ENTPD6: variants seen among roughly 807,000 people sequenced by gnomAD.
The protein encoded by ENTPD6 is CD39 antigen-like 2.
ENTPD6 carries 46 observed loss-of-function variants against 61.5 expected under a neutral mutation model. That is an observed-to-expected ratio of 0.75 (90% CI 0.59 to 0.96). The LOEUF is 0.96. Among genes scored for constraint, ENTPD6 ranks in the 40% least tolerant of loss-of-function variants. The probability of loss-of-function intolerance (pLI) is 0.00; values close to 1 mark genes in which losing one functional copy is unlikely to be tolerated. For missense variants in ENTPD6, 612 were observed against 629.0 expected (o/e 0.97, Z 0.29); for synonymous variants, 252 against 255.5 (o/e 0.99, Z 0.13).
intron 3 of ENTPD6, 106 bp from the exon 4 acceptor site, chr20:25,209,743 T>G: frequency 1.1e-6 from 1 of 894,790 alleles, no homozygotes; most frequent in Non-Finnish European, 1.8e-6. Flanking sequence ...ACTTGGGGAT[T>G]GGTCTGTGTT....
At chr20:25,220,799 T>C (rs2092604129) in intron 10 of ENTPD6, among the ~76,000 whole-genome samples, 1 of 152,216 alleles carries the variant, frequency 6.6e-6, no homozygotes, top group South Asian at 2.1e-4. Context: ...CTTTGCTGGT[T>C]TTGAGCCCCC....
intron 13 of ENTPD6, 159 bp downstream of exon 13, chr20:25,224,316 C>T: frequency 1.8e-6 from 1 of 550,652 alleles, no homozygotes; most frequent in Middle Eastern, 4.9e-4. Context: ...GTCCTTGTCC[C>T]ACCCTCATGG....
chr20:25,210,473 C>G (rs1005702476), intron 4 of ENTPD6, among the ~76,000 whole-genome samples: 2 of 151,330 alleles, frequency 1.3e-5, no homozygotes, highest in Non-Finnish European at 2.9e-5. Context: ...GAGTGAGAAC[C>G]CTATTTCTAC....
At chr20:25,211,118 A>G (rs1487529497) in intron 4 of ENTPD6, among the ~76,000 whole-genome samples, 1 of 152,198 alleles carries the variant, frequency 6.6e-6, no homozygotes, top group East Asian at 1.9e-4. Flanking sequence ...CACTCACAAA[A>G]TGGGCTATGG....
intron 10 of ENTPD6, among the ~76,000 whole-genome samples, chr20:25,221,016 G>T (rs2092611695): frequency 1.3e-5 from 2 of 152,362 alleles, no homozygotes; most frequent in South Asian, 4.1e-4. Flanking sequence ...CGTGCCCAGG[G>T]CCGTGAGCTG....
At chr20:25,213,434 T>C in intron 5 of ENTPD6, 28 bp downstream of exon 5, 1 of 1,578,366 alleles carries the variant, frequency 6.3e-7, no homozygotes, top group East Asian at 2.2e-5. Flanking sequence ...CCAGTGCCAT[T>C]AGCCAGCCCT....
At position 25,195,789 on chromosome 20, in the gene ENTPD6, A is replaced by T; in HGVS notation, c.-94A>T. On this transcript the variant is annotated 5_prime_UTR_variant, in exon 1 of 15. Transcript: ENST00000376652. ...GGGGTGGCGCCGGCCGGGGCGGGGG[A>T]GCCCAAAAGACCGGCTGCCGCCTGC... The T allele has an allele frequency of 8.4e-7, 1 of 1,189,038 alleles. No homozygotes were observed. The highest frequency in any genetic ancestry group is 1.1e-6 in the Non-Finnish European group (1 of 941,994). The allele number at this position is 1,189,038 out of a possible 1,614,324, so 73.7% of individuals were successfully genotyped here.
chr20:25,207,058 C>G lies in ENTPD6; in HGVS notation c.55-18C>G. 1 of 1,585,298 alleles carries G rather than the reference C, an allele frequency of 6.3e-7. No homozygotes were observed. Among genetic ancestry groups the G allele is most frequent in the African/African-American group, 1.3e-5 (1 of 74,586 alleles). The stretch of plus-strand genomic sequence containing the variant: ...GCACCCTAACGTGCTTTTCCTGCCT[C>G]TCCCCCCTTCCCACCAGCAGCCGCA... On this transcript the variant is annotated intron_variant, in intron 2 of 14. Transcript: ENST00000376652.
intron 13 of ENTPD6, 58 bp downstream of exon 13, chr20:25,224,215 C>T (rs375997328): frequency 2.6e-5 from 39 of 1,516,080 alleles, no homozygotes; most frequent in African/African-American, 1.1e-4. Flanking sequence ...ATGCTCGTGA[C>T]GCAGGCGCTG....
At chr20:25,211,814 AT>A (rs1227176617) in intron 4 of ENTPD6, among the ~76,000 whole-genome samples, 1 of 151,746 alleles carries the variant, frequency 6.6e-6, no homozygotes, top group Non-Finnish European at 1.5e-5. Context: ...TGAAGTCTCT[AT>A]TTTTTTTCCC....
chr20:25,223,410 G>T (rs763537394), intron 12 of ENTPD6, among the ~76,000 whole-genome samples: 5 of 152,208 alleles, frequency 3.3e-5, no homozygotes, highest in African/African-American at 1.2e-4. Flanking sequence ...AGATTAGGGC[G>T]GAAAAAGGTA....
At chr20:25,209,800 T>G in intron 3 of ENTPD6, 49 bp from the exon 4 acceptor site, 2 of 1,483,730 alleles carry the variant, frequency 1.3e-6, no homozygotes, top group Non-Finnish European at 1.9e-6. Flanking sequence ...GTATGTGTTC[T>G]CCTGTGTGTA....
chr20:25,217,649 G>GACCTCAAGAGGGCCAT, intron 9 of ENTPD6, 68 bp downstream of exon 9: 1 of 1,381,760 alleles, frequency 7.2e-7, no homozygotes, highest in Non-Finnish European at 1.0e-6. Flanking sequence ...GGCCTCGCAT[G>GACCTCAAGAGGGCCAT]GCCCTCTTGA....
In ENTPD6 at chr20:25,227,111, C is replaced by T. The variant is rs986019709; in HGVS notation, c.*1514C>T. 6.6e-6 allele frequency among the ~76,000 whole-genome samples: 1 copy of T among 152,264 alleles called. No individual in the cohort carries two copies. Among genetic ancestry groups the T allele is most frequent in the African/African-American group, 2.4e-5 (1 of 41,472 alleles). On this transcript the variant is annotated 3_prime_UTR_variant, in exon 15 of 15. Transcript: ENST00000376652. ...GGGAAACTGCAGACCAGCCCACATCCCGAGTGCTTGTGCCTGAAGCCCCCC... is the reference window on the plus strand; with the variant it reads ...GGGAAACTGCAGACCAGCCCACATCTCGAGTGCTTGTGCCTGAAGCCCCCC...
intron 11 of ENTPD6, chr20:25,221,811 G>A (rs977021510): frequency 7.5e-5 from 19 of 252,122 alleles, no homozygotes; most frequent in African/African-American, 4.3e-4. Flanking sequence ...GCCATTCCCA[G>A]ACTGGGCACT....
At chr20:25,222,686 CCCCAA>C in intron 11 of ENTPD6, 147 bp from the exon 12 acceptor site, 1 of 994,836 alleles carries the variant, frequency 1.0e-6, no homozygotes, top group Non-Finnish European at 1.5e-6. Flanking sequence ...CGGGGAGCAG[CCCCAA>C]CTTGGGGTGG....
intron 4 of ENTPD6, among the ~76,000 whole-genome samples, chr20:25,211,901 C>T (rs11907597): frequency 0.075 from 11,378 of 152,170 alleles, 1,320 homozygotes; most frequent in African/African-American, 0.25. Flanking sequence ...CTCTGCCTCC[C>T]AGGCTCAAAT....
chr20:25,222,611 C>T (rs899452624), intron 11 of ENTPD6: 15 of 493,770 alleles, frequency 3.0e-5, no homozygotes, highest in Non-Finnish European at 4.3e-5. Flanking sequence ...TTCGTGCCCA[C>T]GGTCTTCACT....
rs1215297355 is a variant in ENTPD6, at chr20:25,227,750, T to C, written c.*2153T>C. Reference sequence around the variant, plus strand: ...AGCTGCCTCAGTCCTGCAGTCCCCGTGTTTGGATGGCAGGATCCCAGGGCA... The same window carrying C: ...AGCTGCCTCAGTCCTGCAGTCCCCGCGTTTGGATGGCAGGATCCCAGGGCA... On this transcript the variant is annotated 3_prime_UTR_variant, in exon 15 of 15. Coordinates refer to ENST00000376652, the MANE Select transcript of ENTPD6 (RefSeq NM_001247.5). 3.3e-5 allele frequency among the ~76,000 whole-genome samples: 5 copies of C among 152,224 alleles called. No homozygotes were observed. Among genetic ancestry groups the C allele is most frequent in the Non-Finnish European group, 7.3e-5 (5 of 68,036 alleles).
Sources: allele counts gnomAD v4.1 joint callset (sites outside exome capture counted in the v4.1 genomes callset), GRCh38; gene constraint gnomAD v4.1.1; transcripts MANE v1.5; gene names NCBI Gene and HGNC (gene_info 2026-07-23, HGNC 2026-07-21).